Variants in PKHD1 observed in about 807,000 individuals in gnomAD.
PKHD1 encodes PKHD1 ciliary IPT domain containing fibrocystin/polyductin.
In PKHD1, 291 loss-of-function variants were observed where a neutral mutation model predicts 412.0. That is an observed-to-expected ratio of 0.71 (90% confidence interval 0.64 to 0.78). The LOEUF is 0.78. Ranked by LOEUF, PKHD1 falls within the 30% of genes least tolerant of loss-of-function variation. The probability of loss-of-function intolerance (pLI) is 0.00; values close to 1 mark genes in which losing one functional copy is unlikely to be tolerated. For synonymous variants in PKHD1, 1,777 were observed against 1,821.5 expected (o/e 0.98, Z 0.62); for missense variants, 4,825 against 4,950.7 (o/e 0.97, Z 0.76).
At chr6:52,028,450 C>T (rs1334914466) in intron 29 of PKHD1, 99 bp from the exon 30 acceptor site, 19 of 1,070,572 alleles carry the variant, frequency 1.8e-5, no homozygotes, top group Non-Finnish European at 2.7e-5. Context: ...AATTCACAGT[C>T]ACCCCTATGC....
chr6:51,754,272 CT>C (rs935660493), intron 56 of PKHD1, among the ~76,000 whole-genome samples: 13 of 151,952 alleles, frequency 8.6e-5, no homozygotes, highest in African/African-American at 3.1e-4. Flanking sequence ...AAGGTCTGGG[CT>C]TTTTTCTTTC....
chr6:51,770,998 G>C (rs1790002719), intron 55 of PKHD1, among the ~76,000 whole-genome samples: 1 of 152,012 alleles, frequency 6.6e-6, no homozygotes. Flanking sequence ...ATTTCTTTGG[G>C]GAAGAAGAAA....
chr6:52,079,701 C>G (rs1221281225), intron 5 of PKHD1, among the ~76,000 whole-genome samples, 199 bp downstream of exon 5: 1 of 152,134 alleles, frequency 6.6e-6, no homozygotes, highest in Non-Finnish European at 1.5e-5. Flanking sequence ...GTACATAAAG[C>G]ATTTAGCTAA....
At chr6:51,682,301 A>G in intron 60 of PKHD1, 1 of 445,022 alleles carries the variant, frequency 2.2e-6, no homozygotes, top group South Asian at 1.6e-5. Flanking sequence ...TTTTCTTTAC[A>G]TAATTTATCA....
intron 60 of PKHD1, among the ~76,000 whole-genome samples, chr6:51,681,959 G>T (rs934788948): frequency 1.3e-5 from 2 of 152,070 alleles, no homozygotes; most frequent in African/African-American, 4.8e-5. Flanking sequence ...TTTGTCTCTT[G>T]AGACAGTGAC....
intron 36 of PKHD1, among the ~76,000 whole-genome samples, chr6:51,942,473 C>A (rs929765431): frequency 6.6e-6 from 1 of 151,664 alleles, no homozygotes; most frequent in Non-Finnish European, 1.5e-5. Flanking sequence ...TCACACCTGA[C>A]ACATATACTT....
chr6:51,932,693 T>C (rs1334302967), intron 37 of PKHD1, among the ~76,000 whole-genome samples: 2 of 152,232 alleles, frequency 1.3e-5, no homozygotes, highest in Non-Finnish European at 2.9e-5. Flanking sequence ...AAGTTGATCA[T>C]AGAATCAACA....
intron 35 of PKHD1, among the ~76,000 whole-genome samples, chr6:51,983,376 A>C (rs958030330): frequency 5.9e-5 from 9 of 152,230 alleles, no homozygotes; most frequent in African/African-American, 2.2e-4. Flanking sequence ...GCATATGAGC[A>C]CATAATCATA....
At chr6:51,813,794 G>A (rs1765047345) in intron 52 of PKHD1, among the ~76,000 whole-genome samples, 1 of 150,742 alleles carries the variant, frequency 6.6e-6, no homozygotes, top group Non-Finnish European at 1.5e-5. Flanking sequence ...CTCTCTGGGT[G>A]AGGCTTGTAC....
intron 10 of PKHD1, 37 bp from the exon 11 acceptor site, chr6:52,069,564 A>G: frequency 6.6e-7 from 1 of 1,510,054 alleles, no homozygotes; most frequent in Non-Finnish European, 9.2e-7. Flanking sequence ...GAATGAAAAT[A>G]TCAACTGGGA....
chr6:51,679,474 T>C (rs1355422224), intron 60 of PKHD1, among the ~76,000 whole-genome samples: 3 of 151,958 alleles, frequency 2.0e-5, no homozygotes, highest in African/African-American at 2.4e-5. Context: ...AGGGGAATGT[T>C]CCCAGCTCCT....
At chr6:51,767,529 A>G (rs1789292561) in intron 55 of PKHD1, among the ~76,000 whole-genome samples, 1 of 151,842 alleles carries the variant, frequency 6.6e-6, no homozygotes, top group Admixed American at 6.6e-5. Context: ...ATGTGTTCTC[A>G]TTGTTCAATT....
intron 63 of PKHD1, among the ~76,000 whole-genome samples, chr6:51,646,566 A>C (rs1403173220): frequency 6.6e-6 from 1 of 152,168 alleles, no homozygotes; most frequent in Admixed American, 6.5e-5. Flanking sequence ...AAAAGGGCCT[A>C]CGTCTTAATT....
chr6:52,084,853 A>T, intron 2 of PKHD1, 29 bp downstream of exon 2: 1 of 1,414,744 alleles, frequency 7.1e-7, no homozygotes, highest in Non-Finnish European at 1.0e-6. Flanking sequence ...GTTCTTACCT[A>T]TAATTCCTTC....
intron 35 of PKHD1, among the ~76,000 whole-genome samples, chr6:51,980,053 T>C (rs1350507824): frequency 6.6e-6 from 1 of 152,192 alleles, no homozygotes; most frequent in African/African-American, 2.4e-5. Context: ...GTCACATGTA[T>C]ATTACAAGTC....
rs1554220741 is a variant in PKHD1 at position 52,065,184 on chromosome 6, G to GAGAGAGAGAGAC, written c.881-135_881-134insGTCTCTCTCTCT. On this transcript the variant is annotated intron_variant, in intron 12 of 66. Coordinates refer to ENST00000371117, the MANE Select transcript of PKHD1 (RefSeq NM_138694.4). The stretch of plus-strand genomic sequence containing the variant: ...ATATATATATAGAGAGAGAGAGAGA[G>GAGAGAGAGAGAC]AGAGAGAGAGAGACAGAGAGAGAGA... The GAGAGAGAGAGAC allele has an allele frequency of 4.7e-3, 563 of 118,750 alleles. 1 individual carries two copies. The highest frequency in any genetic ancestry group is 0.011 in the South Asian group (29 of 2,758). The allele number at this position is 118,750 out of a possible 1,614,324, so 7.4% of individuals were successfully genotyped here. A position where few individuals can be genotyped will look rare whatever the true frequency, so the allele number is the denominator to read the frequency against.
At chr6:51,657,021 T>C (rs868307968) in intron 61 of PKHD1, among the ~76,000 whole-genome samples, 1 of 151,784 alleles carries the variant, frequency 6.6e-6, no homozygotes, top group African/African-American at 2.4e-5. Flanking sequence ...ATGGCCTGAA[T>C]TTGTTGAAAT....
chr6:51,925,438 C>CAT (rs1554140173), intron 37 of PKHD1, among the ~76,000 whole-genome samples: 1 of 147,376 alleles, frequency 6.8e-6, no homozygotes, highest in African/African-American at 2.5e-5. Context: ...AATTGTTCTT[C>CAT]GTGTGTGTGT....
At chr6:51,939,147 T>C (rs1390233067) in intron 36 of PKHD1, among the ~76,000 whole-genome samples, 2 of 151,304 alleles carry the variant, frequency 1.3e-5, no homozygotes, top group Non-Finnish European at 3.0e-5. Flanking sequence ...ACTGCTTTTC[T>C]GGGGGGCAAG....
Sources: gnomAD v4.1 joint callset for allele counts (sites outside exome capture counted in the v4.1 genomes callset) on GRCh38, gnomAD v4.1.1 for gene constraint, MANE v1.5 for transcripts, NCBI Gene and HGNC (gene_info 2026-07-23, HGNC 2026-07-21) for gene names.